The following MTA3 variants were observed in gnomAD, a reference collection of about 807,000 sequenced individuals.
The protein encoded by MTA3 is metastasis-associated protein MTA3.
MTA3 carries 34 observed loss-of-function variants against 83.5 expected under a neutral mutation model. That is an observed-to-expected ratio of 0.41 (90% CI 0.31 to 0.54). The LOEUF (loss-of-function observed/expected upper bound fraction) is 0.54. Among genes scored for constraint, MTA3 ranks in the 20% least tolerant of loss-of-function variants. The probability of loss-of-function intolerance (pLI) is 0.33; values close to 1 mark genes in which losing one functional copy is unlikely to be tolerated. For missense variants in MTA3, 761 were observed against 726.4 expected, an observed-to-expected ratio of 1.05 and a Z score of -0.55; for synonymous variants, 303 against 252.7, an observed-to-expected ratio of 1.20 and a Z score of -1.89.
intron 6 of MTA3, among the ~76,000 whole-genome samples, chr2:42,654,180 A>G (rs1057306741): frequency 2.6e-5 from 4 of 152,214 alleles, no homozygotes; most frequent in African/African-American, 9.6e-5. Flanking sequence ...CTCTCTGGTT[A>G]CCTGCCTTTG....
intron 16 of MTA3, among the ~76,000 whole-genome samples, chr2:42,724,144 C>A (rs1287924571): frequency 6.6e-6 from 1 of 152,082 alleles, no homozygotes; most frequent in African/African-American, 2.4e-5. Flanking sequence ...GTATTTCTTT[C>A]AGCCTTTTCT....
intron 15 of MTA3, among the ~76,000 whole-genome samples, chr2:42,721,556 T>A (rs1443182936): frequency 6.6e-6 from 1 of 152,132 alleles, no homozygotes; most frequent in African/African-American, 2.4e-5. Context: ...CTCGAACTCC[T>A]GGACTCATGC....
intron 8 of MTA3, among the ~76,000 whole-genome samples, chr2:42,663,441 C>G (rs571519705): frequency 1.6e-4 from 25 of 152,184 alleles, no homozygotes; most frequent in Non-Finnish European, 2.5e-4. Context: ...AAAGAGGATT[C>G]TACCTATATA....
intron 16 of MTA3, among the ~76,000 whole-genome samples, chr2:42,728,843 A>G (rs920388093): frequency 2.0e-5 from 3 of 152,160 alleles, no homozygotes; most frequent in Non-Finnish European, 4.4e-5. Context: ...AGCTCCGTAT[A>G]TATTCTAGCT....
chr2:42,517,864 C>CAAAAAA (rs386390061), intron 2 of MTA3, among the ~76,000 whole-genome samples: 3 of 95,246 alleles, frequency 3.1e-5, no homozygotes, highest in African/African-American at 4.0e-5. Context: ...GACTCTGTCT[C>CAAAAAA]AAAAAAAAAA....
At chr2:42,577,284 G>C (rs1158200512) in intron 2 of MTA3, among the ~76,000 whole-genome samples, 1 of 151,602 alleles carries the variant, frequency 6.6e-6, no homozygotes, top group African/African-American at 2.4e-5. Context: ...TGTTTGTAGA[G>C]GGGAAGAGGA....
At chr2:42,656,441 A>G (rs887870081) in intron 7 of MTA3, 139 bp downstream of exon 7, 2 of 467,272 alleles carry the variant, frequency 4.3e-6, no homozygotes, top group Non-Finnish European at 7.4e-6. Context: ...AGAAAGCTTA[A>G]TACGTTATGC....
chr2:42,599,410 C>T (rs1444952559), intron 3 of MTA3, among the ~76,000 whole-genome samples: 1 of 151,930 alleles, frequency 6.6e-6, no homozygotes, highest in Non-Finnish European at 1.5e-5. Context: ...CTAGCTAACA[C>T]AGTGAAACCC....
chr2:42,614,924 C>G (rs1684667189), intron 4 of MTA3, among the ~76,000 whole-genome samples: 1 of 150,522 alleles, frequency 6.6e-6, no homozygotes, highest in African/African-American at 2.4e-5. Context: ...CTATAGTGAG[C>G]CATGATTGTG....
In MTA3 at chr2:42,532,499, G is replaced by T. The variant is rs150350622; in HGVS notation, c.-141+37245G>T. ...CACTCCAGCCTGGGCGACACAGTGA[G>T]ACGCCATCTCAAAAAACAAAAAAAG... On this transcript the variant is annotated intron_variant, in intron 2 of 17. Coordinates refer to the MTA3 transcript ENST00000405592. 3.0e-3 allele frequency among the ~76,000 whole-genome samples: 458 copies of T among 152,310 alleles called. 1 individual carries two copies. Among genetic ancestry groups the T allele is most frequent in the African/African-American group, 0.01 (435 of 41,578 alleles).
intron 16 of MTA3, among the ~76,000 whole-genome samples, chr2:42,729,145 G>A (rs1668065757): frequency 7.8e-6 from 1 of 128,084 alleles, no homozygotes; most frequent in South Asian, 2.7e-4. Flanking sequence ...TCAGGCTGGA[G>A]TGCAGTGGCA....
intron 4 of MTA3, among the ~76,000 whole-genome samples, chr2:42,617,777 TA>T (rs1297623154): frequency 3.2e-5 from 4 of 124,930 alleles, no homozygotes; most frequent in Non-Finnish European, 6.9e-5. Flanking sequence ...ACTCTGCCTC[TA>T]AAAAATAAAA....
At chr2:42,633,541 T>C (rs1686885776) in intron 4 of MTA3, among the ~76,000 whole-genome samples, 2 of 152,068 alleles carry the variant, frequency 1.3e-5, no homozygotes, top group Admixed American at 6.6e-5. Flanking sequence ...ATCACGCCAC[T>C]GCACTCTGAC....
intron 4 of MTA3, among the ~76,000 whole-genome samples, chr2:42,615,098 C>A (rs185024125): frequency 1.4e-4 from 22 of 152,126 alleles, no homozygotes; most frequent in Non-Finnish European, 1.5e-5. Context: ...GAAGGCCAGC[C>A]TGGCCAACGT....
At chr2:42,653,410 G>A (rs573302776) in intron 6 of MTA3, among the ~76,000 whole-genome samples, 22 of 152,120 alleles carry the variant, frequency 1.4e-4, no homozygotes, top group African/African-American at 2.2e-4. Flanking sequence ...TGCTGCTAGC[G>A]TAGCTGAAAA....
intron 2 of MTA3, among the ~76,000 whole-genome samples, chr2:42,517,537 C>T (rs1172673802): frequency 6.8e-6 from 1 of 146,898 alleles, no homozygotes; most frequent in East Asian, 2.0e-4. Flanking sequence ...CATGCCATTG[C>T]ACTCCAGCCT....
chr2:42,551,088 T>TAAAG (rs1677087968), intron 2 of MTA3, among the ~76,000 whole-genome samples: 1 of 150,800 alleles, frequency 6.6e-6, no homozygotes, highest in Non-Finnish European at 1.5e-5. Flanking sequence ...AATAAATAAA[T>TAAAG]TAAAATTTAT....
chr2:42,724,005 G>T (rs532983601), intron 16 of MTA3, among the ~76,000 whole-genome samples: 22 of 152,258 alleles, frequency 1.4e-4, no homozygotes, highest in African/African-American at 5.1e-4. Context: ...AGATATGGTT[G>T]TCAAGAATTT....
At chr2:42,564,327 G>A (rs771134349), upstream of MTA3, among the ~76,000 whole-genome samples, 2 of 152,104 alleles carry the variant, frequency 1.3e-5, no homozygotes, top group Non-Finnish European at 2.9e-5. Flanking sequence ...GGGAACTATG[G>A]GATCCGAAAA....
Sources: gnomAD v4.1 joint callset for allele counts (sites outside exome capture counted in the v4.1 genomes callset) on GRCh38, gnomAD v4.1.1 for gene constraint, MANE v1.5 for transcripts, NCBI Gene and HGNC (gene_info 2026-07-23, HGNC 2026-07-21) for gene names.